Variants in HEATR5B observed in about 807,000 individuals in gnomAD.
The protein encoded by HEATR5B is HEAT repeat-containing protein 5B.
Under a neutral mutation model 224.1 loss-of-function variants are expected in HEATR5B, and 156 were observed. The ratio of observed to expected loss-of-function variants is 0.70; its 90% CI spans 0.61 to 0.80. HEATR5B has a LOEUF of 0.80. Ranked by LOEUF, HEATR5B falls within the 30% of genes least tolerant of loss-of-function variation. The probability of loss-of-function intolerance (pLI) is 0.00; values close to 1 mark genes in which losing one functional copy is unlikely to be tolerated. For missense variants in HEATR5B, 2,323 were observed against 2,535.5 expected (o/e 0.92, Z 1.80); for synonymous variants, 1,027 against 893.0 (o/e 1.15, Z -2.68).
At chr2:37,054,192 GTTTTTTTT>G (rs70946964) in intron 16 of HEATR5B, among the ~76,000 whole-genome samples, 1 of 30,218 alleles carries the variant, frequency 3.3e-5, no homozygotes, top group Non-Finnish European at 6.8e-5. Context: ...TGATTTCTCT[GTTTTTTTT>G]TTTTTTTTTT....
At chr2:37,019,770 A>G in intron 26 of HEATR5B, 39 bp downstream of exon 26, 1 of 1,360,608 alleles carries the variant, frequency 7.3e-7, no homozygotes, top group Non-Finnish European at 1.0e-6. Flanking sequence ...CTATGAATGT[A>G]TAGAAGACAA....
rs965352297 is a variant in HEATR5B at position 37,027,957 on chromosome 2, G to A, written c.3819C>T (p.Ala1273=). 2 of 1,614,192 alleles carry A rather than the reference G, an allele frequency of 1.2e-6. No homozygotes were observed. Among genetic ancestry groups the A allele is most frequent in the Non-Finnish European group, 8.5e-7 (1 of 1,180,006 alleles). The stretch of plus-strand genomic sequence containing the variant: ...TTCGAAGTTTAGCAGAACGTGCCAA[G>A]GCAAGATCAAAGTGAGCCTGGTCTG... ...ENADQAHFDL[A]LARSAKLRNP... The change falls in exon 24 of 36, where the codon GCC becomes GCT. Residue 1273 remains alanine, a synonymous_variant. Coordinates refer to ENST00000233099, the MANE Select transcript of HEATR5B (RefSeq NM_019024.3).
At chr2:37,034,476 A>G (rs1332260548) in intron 21 of HEATR5B, among the ~76,000 whole-genome samples, 5 of 143,684 alleles carry the variant, frequency 3.5e-5, no homozygotes, top group South Asian at 2.2e-4. Flanking sequence ...AGCCGGGCGT[A>G]GTGGCGGGCG....
At chr2:37,002,171 A>G (rs1027604912) in intron 32 of HEATR5B, 135 bp downstream of exon 32, 16 of 1,002,160 alleles carry the variant, frequency 1.6e-5, no homozygotes, top group Non-Finnish European at 1.9e-5. Context: ...ACAAAACCTT[A>G]AAAAAAGACC....
At chr2:37,027,817 C>T in intron 24 of HEATR5B, 106 bp downstream of exon 24, 2 of 1,126,902 alleles carry the variant, frequency 1.8e-6, no homozygotes, top group Non-Finnish European at 2.6e-6. Context: ...AAATAAATGG[C>T]ATATTCTAAA....
At chr2:37,011,885 G>C (rs1011612331) in intron 27 of HEATR5B, among the ~76,000 whole-genome samples, 37 of 152,002 alleles carry the variant, frequency 2.4e-4, no homozygotes, top group Admixed American at 2.4e-3. Context: ...TAGACTACAG[G>C]CCCAGAAATG....
At chr2:36,987,444 T>C (rs1389299786) in intron 35 of HEATR5B, among the ~76,000 whole-genome samples, 1 of 151,710 alleles carries the variant, frequency 6.6e-6, no homozygotes, top group Non-Finnish European at 1.5e-5. Context: ...AAGCTTCATT[T>C]GTGATCTTGA....
chr2:37,051,456 G>T (rs1670544931), intron 17 of HEATR5B, among the ~76,000 whole-genome samples: 1 of 149,656 alleles, frequency 6.7e-6, no homozygotes, highest in Non-Finnish European at 1.5e-5. Flanking sequence ...TGTTCTAGCT[G>T]TACTTACCAT....
intron 18 of HEATR5B, among the ~76,000 whole-genome samples, chr2:37,044,342 A>T (rs1010904711): frequency 6.6e-6 from 1 of 152,216 alleles, no homozygotes; most frequent in African/African-American, 2.4e-5. Context: ...CCTTTTATAT[A>T]GTTTCATACG....
rs1380882145 is a variant in HEATR5B, at chr2:37,008,773, C to T, written c.4360G>A (p.Asp1454Asn). ...TCGATGGTACCACAGTCGTCATCAT[C>T]ATCGTCAGTATTTTTAATTGCTCTT... ...PKRAIKNTDD[D>N]DDDCGTIDEL... Residue 1454 changes from aspartate (D) to asparagine (N), a missense_variant, in exon 28 of 36, where the codon GAT (aspartate) becomes AAT (asparagine). By Grantham distance (23) the Asp-to-Asn change is conservative (BLOSUM62 1). Around this residue, in one of 12 missense-constraint regions of HEATR5B, gnomAD observed 844 missense variants for 812.9 expected, o/e 1.04. Transcript: ENST00000233099. 6.2e-7 allele frequency: 1 copy of T among 1,614,120 alleles called. No homozygotes were observed. The highest frequency in any genetic ancestry group is 1.6e-4 in the Middle Eastern group (1 of 6,062).
At chr2:37,036,634 C>A (rs1393776534) in intron 21 of HEATR5B, among the ~76,000 whole-genome samples, 1 of 152,002 alleles carries the variant, frequency 6.6e-6, no homozygotes, top group South Asian at 2.1e-4. Flanking sequence ...GCTTCAGCCT[C>A]CCGAGTAGCT....
intron 10 of HEATR5B, among the ~76,000 whole-genome samples, chr2:37,063,373 G>C (rs1254578380): frequency 6.6e-6 from 1 of 152,154 alleles, no homozygotes; most frequent in East Asian, 1.9e-4. Flanking sequence ...AGTCTAATTA[G>C]AGCAACAGGA....
chr2:37,020,909 GAAATA>G (rs1668421066), intron 24 of HEATR5B, 73 bp from the exon 25 acceptor site: 3 of 845,282 alleles, frequency 3.5e-6, no homozygotes, highest in South Asian at 4.6e-5. Flanking sequence ...AATATGAAAT[GAAATA>G]AATTTTTGAT....
intron 24 of HEATR5B, among the ~76,000 whole-genome samples, chr2:37,021,886 CA>C (rs3080799): frequency 0.61 from 77,162 of 126,556 alleles, 21,575 homozygotes; most frequent in African/African-American, 0.69. Context: ...GACCCTGTTT[CA>C]AAAAAAAAAA....
chr2:36,992,101 G>A (rs900870395), intron 33 of HEATR5B, among the ~76,000 whole-genome samples: 2 of 152,128 alleles, frequency 1.3e-5, no homozygotes, highest in Non-Finnish European at 2.9e-5. Context: ...GGGAGGCTGA[G>A]GCTACAGAAT....
intron 18 of HEATR5B, among the ~76,000 whole-genome samples, chr2:37,043,782 A>G (rs533646130): frequency 6.6e-6 from 1 of 152,308 alleles, no homozygotes; most frequent in African/African-American, 2.4e-5. Flanking sequence ...TGAGAAAAAA[A>G]GTTTGTATTT....
intron 33 of HEATR5B, among the ~76,000 whole-genome samples, chr2:36,995,104 T>TTC (rs1558702449): frequency 6.7e-6 from 1 of 148,484 alleles, no homozygotes; most frequent in African/African-American, 2.5e-5. Context: ...TTTTTTTTTT[T>TTC]CCTGAGATGG....
chr2:37,071,238 A>G (rs1483773034), intron 6 of HEATR5B, among the ~76,000 whole-genome samples: 5 of 152,194 alleles, frequency 3.3e-5, no homozygotes, highest in South Asian at 4.1e-4. Flanking sequence ...GTTAATAAAT[A>G]TAAGAGACAG....
At position 37,020,653 on chromosome 2, in the gene HEATR5B, A is replaced by ACAG; in HGVS notation, c.4035+1_4035+2insCTG. The ACAG allele has an allele frequency of 6.5e-7, 1 of 1,532,634 alleles. No individual in the cohort carries two copies. Among genetic ancestry groups the ACAG allele is most frequent in the South Asian group, 1.3e-5 (1 of 78,558 alleles). 94.9% of individuals were successfully genotyped at this position (1,532,634 alleles called of 1,614,324 possible). A position where few individuals can be genotyped will look rare whatever the true frequency, so the allele number is the denominator to read the frequency against. On this transcript the variant is annotated splice_donor_variant, in intron 25 of 35. Coordinates refer to ENST00000233099, the MANE Select transcript of HEATR5B (RefSeq NM_019024.3). LOFTEE classifies it high-confidence loss of function. ...AGTTCTTAAATAAATAGAAAATCTC[A>ACAG]CATTAGCCTGATACTGCTCCAGTAT...
Sources: gnomAD v4.1 joint callset for allele counts (sites outside exome capture counted in the v4.1 genomes callset) on GRCh38, gnomAD v4.1.1 for gene constraint, gnomAD v4.1.1 regional missense constraint, MANE v1.5 for transcripts, NCBI Gene and HGNC (gene_info 2026-07-23, HGNC 2026-07-21) for gene names.